Variants in SYT1 observed in about 807,000 individuals in gnomAD.
SYT1 encodes synaptotagmin 1.
In SYT1, 8 loss-of-function variants were observed where a neutral mutation model predicts 44.8. That is an observed-to-expected ratio of 0.18 (90% confidence interval 0.10 to 0.32). SYT1 has a LOEUF of 0.32. Among genes scored for constraint, SYT1 ranks in the 10% least tolerant of loss-of-function variants. SYT1 has a pLI of 1.00. For missense variants in SYT1, 286 were observed against 509.3 expected (o/e 0.56, Z 4.22); for synonymous variants, 154 against 188.8 (o/e 0.82, Z 1.51).
chr12:79,171,340 C>T (rs1180015167), intron 3 of SYT1, among the ~76,000 whole-genome samples: 1 of 151,930 alleles, frequency 6.6e-6, no homozygotes, highest in Non-Finnish European at 1.5e-5. Flanking sequence ...AATGTTTTTC[C>T]ATTTGTTTGT....
At chr12:79,319,141 G>A (rs549068738) in intron 8 of SYT1, among the ~76,000 whole-genome samples, 8 of 152,268 alleles carry the variant, frequency 5.3e-5, no homozygotes, top group South Asian at 4.1e-4. Flanking sequence ...CCTATGTGTC[G>A]CAGTAGGATT....
chr12:79,213,769 A>G (rs557688545), intron 3 of SYT1, among the ~76,000 whole-genome samples: 33 of 152,294 alleles, frequency 2.2e-4, no homozygotes, highest in African/African-American at 7.7e-4. Flanking sequence ...TACTGAAAAT[A>G]CAAAAATTAG....
chr12:79,120,421 A>AT (rs1011176517), intron 3 of SYT1, among the ~76,000 whole-genome samples: 3 of 151,992 alleles, frequency 2.0e-5, no homozygotes, highest in Non-Finnish European at 4.4e-5. Context: ...CAAAGTTAAA[A>AT]TTTAAAAAAA....
rs184342069 is a variant in SYT1 at position 79,386,286 on chromosome 12, G to T, written c.928+32667G>T. On this transcript the variant is annotated intron_variant, in intron 9 of 10. Transcript: ENST00000261205. ...ATAAGATTCCTTTGAAAATTACCAG[G>T]GTTTTCCCCAAATACATTTTTGGGT... Among the ~76,000 whole-genome samples, 233 of 143,422 alleles carry T rather than the reference G, an allele frequency of 1.6e-3. 2 individuals carry two copies. The highest frequency in any genetic ancestry group is 5.6e-3 in the African/African-American group (227 of 40,564). 94.1% of individuals were successfully genotyped at this position (143,422 alleles called of 152,430 possible).
intron 4 of SYT1, among the ~76,000 whole-genome samples, chr12:79,242,931 G>T (rs1876599129): frequency 6.6e-6 from 1 of 152,170 alleles, no homozygotes; most frequent in Admixed American, 6.5e-5. Flanking sequence ...AATTTATAAA[G>T]AAAAGGAGAT....
chr12:79,155,206 G>C (rs1870519657), intron 3 of SYT1, among the ~76,000 whole-genome samples: 1 of 152,108 alleles, frequency 6.6e-6, no homozygotes, highest in Non-Finnish European at 1.5e-5. Context: ...ACAAATGTAA[G>C]AGAGATAAAA....
At chr12:79,403,446 G>A (rs1037527432) in intron 9 of SYT1, among the ~76,000 whole-genome samples, 42 of 152,140 alleles carry the variant, frequency 2.8e-4, no homozygotes, top group African/African-American at 9.7e-4. Context: ...CTTCAGGGGA[G>A]GTCTTTTTTC....
At chr12:79,176,257 C>T (rs1178131142) in intron 3 of SYT1, among the ~76,000 whole-genome samples, 1 of 150,108 alleles carries the variant, frequency 6.7e-6, no homozygotes, top group Admixed American at 6.7e-5. Flanking sequence ...TCCATTCACT[C>T]CAGCCTGGGC....
intron 1 of SYT1, among the ~76,000 whole-genome samples, chr12:78,958,270 T>C (rs1446280185): frequency 6.6e-6 from 1 of 152,162 alleles, no homozygotes; most frequent in Non-Finnish European, 1.5e-5. Context: ...TTAAAATTTA[T>C]TTCACAAATC....
chr12:79,345,059 G>A (rs535669499), intron 8 of SYT1, among the ~76,000 whole-genome samples: 1 of 152,168 alleles, frequency 6.6e-6, no homozygotes, highest in African/African-American at 2.4e-5. Context: ...CCCTCTTGTG[G>A]ACAGGGTTCA....
At chr12:79,307,714 G>T (rs536538747) in intron 8 of SYT1, among the ~76,000 whole-genome samples, 16 of 152,306 alleles carry the variant, frequency 1.1e-4, no homozygotes, top group Admixed American at 4.6e-4. Context: ...GCAGTCTTCT[G>T]GAGGAGAAGG....
intron 9 of SYT1, among the ~76,000 whole-genome samples, chr12:79,401,185 G>A (rs1429646442): frequency 6.6e-6 from 1 of 152,140 alleles, no homozygotes; most frequent in East Asian, 1.9e-4. Flanking sequence ...AATAGCACTA[G>A]TAACTAGAAT....
chr12:78,945,862 GCCC>G (rs773737666), intron 1 of SYT1, among the ~76,000 whole-genome samples: 9 of 152,106 alleles, frequency 5.9e-5, no homozygotes, highest in Non-Finnish European at 7.4e-5. Flanking sequence ...ATCGAAGGCA[GCCC>G]TTCTTGGTTT....
At chr12:79,279,108 G>A (rs1165060237) in intron 4 of SYT1, among the ~76,000 whole-genome samples, 12 of 150,994 alleles carry the variant, frequency 7.9e-5, no homozygotes, top group African/African-American at 2.9e-4. Context: ...CAATCCTACC[G>A]AAACTACTCC....
chr12:79,307,665 C>T lies in SYT1; in HGVS notation c.810+8114C>T, dbSNP rs112582585. Among the ~76,000 whole-genome samples, 1,504 of 151,760 alleles carry T rather than the reference C, an allele frequency of 9.9e-3. 30 individuals carry two copies. The highest frequency in any genetic ancestry group is 0.034 in the African/African-American group (1,418 of 41,270). On this transcript the variant is annotated intron_variant, in intron 8 of 10. Transcript: ENST00000261205. Reference sequence around the variant, plus strand: ...GGGGGGGCGGCAGGAGGAGCCCGAACGAAGCCTTTGCGATTACAGTCATGG... The same window carrying T: ...GGGGGGGCGGCAGGAGGAGCCCGAATGAAGCCTTTGCGATTACAGTCATGG...
intron 3 of SYT1, among the ~76,000 whole-genome samples, chr12:79,178,758 A>C (rs1400962533): frequency 6.6e-6 from 1 of 150,850 alleles, no homozygotes; most frequent in Non-Finnish European, 1.5e-5. Flanking sequence ...TCAAAACAGT[A>C]ATTTGTTTAT....
chr12:79,308,590 AG>A (rs1565901342), intron 8 of SYT1, among the ~76,000 whole-genome samples: 55 of 122,262 alleles, frequency 4.5e-4, no homozygotes, highest in African/African-American at 1.7e-3. Context: ...AGGAAAAGAA[AG>A]AAGAAAGAAA....
chr12:79,256,041 T>C (rs553899068), intron 4 of SYT1, among the ~76,000 whole-genome samples: 6 of 152,208 alleles, frequency 3.9e-5, no homozygotes, highest in Admixed American at 6.5e-5. Flanking sequence ...ACAAAATGAA[T>C]AGTGGCTTAC....
rs1880026191 is a variant in SYT1, at chr12:79,299,411, A to C, written c.670A>C (p.Thr224Pro). Residue 224 changes from threonine (T) to proline (P), a missense_variant, in exon 8 of 11, where the codon ACC becomes CCC. Thr to Pro is a conservative substitution (Grantham distance 38). This residue lies in a region of SYT1 where 81 missense variants were observed against 164.9 expected (regional missense o/e 0.49). Transcript: ENST00000261205. ...KVPYSELGGK[T>P]LVMAVYDFDR... ...ACCATACTCGGAATTGGGTGGCAAAACCCTAGTGATGGCTGTATATGATTT... is the reference window on the plus strand; with the variant it reads ...ACCATACTCGGAATTGGGTGGCAAACCCCTAGTGATGGCTGTATATGATTT... 6.2e-7 allele frequency: 1 copy of C among 1,613,106 alleles called. No individual in the cohort carries two copies. The highest frequency in any genetic ancestry group is 1.3e-5 in the African/African-American group (1 of 74,836).
Sources: allele counts gnomAD v4.1 joint callset (sites outside exome capture counted in the v4.1 genomes callset), GRCh38; gene constraint gnomAD v4.1.1; regional missense constraint gnomAD v4.1.1; transcripts MANE v1.5; gene names NCBI Gene and HGNC (gene_info 2026-07-23, HGNC 2026-07-21).